Variants in IFT52 observed in about 807,000 individuals in gnomAD.
IFT52 encodes the protein intraflagellar transport 52, also known as intraflagellar transport protein 52 homolog.
In IFT52, 44 loss-of-function variants were observed where a neutral mutation model predicts 54.4. That is an observed-to-expected ratio of 0.81 (90% confidence interval 0.63 to 1.04). The LOEUF (loss-of-function observed/expected upper bound fraction) is 1.04. Ranked by LOEUF, IFT52 falls within the 50% of genes least tolerant of loss-of-function variation. The pLI is 0.00. For missense variants in IFT52, 452 were observed against 523.6 expected, an observed-to-expected ratio of 0.86 and a Z score of 1.33; for synonymous variants, 181 against 185.3, an observed-to-expected ratio of 0.98 and a Z score of 0.19.
chr20:43,602,488 T>G (rs1329649475), intron 3 of IFT52, among the ~76,000 whole-genome samples: 1 of 151,884 alleles, frequency 6.6e-6, no homozygotes, highest in Non-Finnish European at 1.5e-5. Flanking sequence ...AATAATTCAT[T>G]TTTTATTTTG....
At chr20:43,640,631 T>C (rs1202220253) in intron 12 of IFT52, among the ~76,000 whole-genome samples, 1 of 152,132 alleles carries the variant, frequency 6.6e-6, no homozygotes, top group Non-Finnish European at 1.5e-5. Flanking sequence ...TAATTCTAGG[T>C]AGTTGGTGGC....
At chr20:43,632,043 A>C (rs1158802483) in intron 10 of IFT52, among the ~76,000 whole-genome samples, 2 of 150,832 alleles carry the variant, frequency 1.3e-5, no homozygotes, top group Admixed American at 1.3e-4. Flanking sequence ...CTCCTGCCTC[A>C]GCCTCCCGAG....
intron 6 of IFT52, among the ~76,000 whole-genome samples, chr20:43,612,443 A>G (rs1983528772): frequency 6.6e-6 from 1 of 152,110 alleles, no homozygotes; most frequent in Admixed American, 6.6e-5. Context: ...TTGTAATTCC[A>G]GCACTTTCGG....
intron 6 of IFT52, 82 bp from the exon 7 acceptor site, chr20:43,613,768 A>G: frequency 7.4e-7 from 1 of 1,348,394 alleles, no homozygotes; most frequent in Non-Finnish European, 1.1e-6. Flanking sequence ...AAAGAGTGTT[A>G]CTCAAGAAAC....
intron 6 of IFT52, among the ~76,000 whole-genome samples, chr20:43,606,810 G>A (rs1261960701): frequency 6.6e-6 from 1 of 152,116 alleles, no homozygotes; most frequent in Non-Finnish European, 1.5e-5. Context: ...GCTGCCTTCA[G>A]GCATCTGTTT....
chr20:43,607,631 C>T (rs1410336232), intron 6 of IFT52, among the ~76,000 whole-genome samples: 2 of 144,984 alleles, frequency 1.4e-5, no homozygotes, highest in East Asian at 2.1e-4. Context: ...GATGGGATGG[C>T]GGCCGGGCAG....
intron 3 of IFT52, among the ~76,000 whole-genome samples, chr20:43,597,833 C>G (rs1293387908): frequency 7.1e-6 from 1 of 140,882 alleles, no homozygotes; most frequent in African/African-American, 2.7e-5. Flanking sequence ...GGCGGAGTTG[C>G]AGCGAGCAGA....
At chr20:43,643,095 A>AG (rs1027621265) in intron 13 of IFT52, among the ~76,000 whole-genome samples, 4 of 151,334 alleles carry the variant, frequency 2.6e-5, no homozygotes, top group African/African-American at 9.7e-5. Flanking sequence ...TGAACCCAGA[A>AG]GGCAGAGGTT....
intron 6 of IFT52, among the ~76,000 whole-genome samples, chr20:43,610,144 T>G (rs1174663016): frequency 6.7e-6 from 1 of 149,350 alleles, no homozygotes; most frequent in Non-Finnish European, 1.5e-5. Context: ...ATACAAAACT[T>G]AGCCAGACGT....
At chr20:43,612,034 A>T (rs151044831) in intron 6 of IFT52, among the ~76,000 whole-genome samples, 41 of 151,586 alleles carry the variant, frequency 2.7e-4, no homozygotes, top group African/African-American at 9.9e-4. Flanking sequence ...CCATCTCGAA[A>T]AATAATAATA....
At chr20:43,626,325 G>A (rs1418692475) in intron 10 of IFT52, among the ~76,000 whole-genome samples, 6 of 150,758 alleles carry the variant, frequency 4.0e-5, no homozygotes, top group East Asian at 3.9e-4. Flanking sequence ...GTGCAGTGGC[G>A]CAATCTCTGC....
intron 11 of IFT52, among the ~76,000 whole-genome samples, chr20:43,636,573 C>G (rs1568800233): frequency 6.6e-6 from 1 of 151,958 alleles, no homozygotes; most frequent in Admixed American, 6.6e-5. Flanking sequence ...CAAAACAGGC[C>G]TTCAGTTTTG....
At chr20:43,642,311 T>G in intron 12 of IFT52, 168 bp from the exon 13 acceptor site, 1 of 616,482 alleles carries the variant, frequency 1.6e-6, no homozygotes. Context: ...ATTAGAGAGC[T>G]CTAGGGTTTT....
chr20:43,630,262 G>T (rs1463614550), intron 10 of IFT52, among the ~76,000 whole-genome samples: 1 of 152,134 alleles, frequency 6.6e-6, no homozygotes, highest in African/African-American at 2.4e-5. Context: ...ACCAGCTTCT[G>T]CTGTTTTGGC....
intron 13 of IFT52, among the ~76,000 whole-genome samples, chr20:43,646,204 C>CT (rs1986188289): frequency 2.6e-5 from 2 of 78,010 alleles, no homozygotes; most frequent in East Asian, 7.8e-4. Context: ...GAGCGAGACT[C>CT]GTCTCAAAAA....
chr20:43,624,723 G>A (rs1984592498), intron 10 of IFT52, among the ~76,000 whole-genome samples: 1 of 152,152 alleles, frequency 6.6e-6, no homozygotes, highest in Non-Finnish European at 1.5e-5. Flanking sequence ...CATCCTGAAG[G>A]CAAAGGAGGA....
intron 6 of IFT52, among the ~76,000 whole-genome samples, chr20:43,607,549 C>T (rs62225584): frequency 0.027 from 3,942 of 145,924 alleles, 66 homozygotes; most frequent in Non-Finnish European, 0.037. Flanking sequence ...GTGGCAGAGG[C>T]GCTCCCCACA....
intron 6 of IFT52, among the ~76,000 whole-genome samples, chr20:43,608,149 G>A (rs552306707): frequency 2.1e-4 from 32 of 152,112 alleles, no homozygotes; most frequent in Non-Finnish European, 4.4e-5. Context: ...AAGAGAGGGA[G>A]AGGGAGACCG....
intron 6 of IFT52, chr20:43,605,349 C>T (rs1219915253): frequency 9.1e-6 from 5 of 550,790 alleles, no homozygotes; most frequent in Non-Finnish European, 1.3e-5. Flanking sequence ...GAGTTAGAGA[C>T]AAGTGTAACC....
Sources: allele counts gnomAD v4.1 joint callset (sites outside exome capture counted in the v4.1 genomes callset), GRCh38; gene constraint gnomAD v4.1.1; transcripts MANE v1.5; gene names NCBI Gene and HGNC (gene_info 2026-07-23, HGNC 2026-07-21).